Variants in DLGAP2 observed in about 807,000 individuals in gnomAD.
The protein encoded by DLGAP2 is DLG associated protein 2, also known as disks large-associated protein 2.
DLGAP2 carries 26 observed loss-of-function variants against 100.3 expected under a neutral mutation model. That is an observed-to-expected ratio of 0.26 (90% CI 0.19 to 0.36). The LOEUF (loss-of-function observed/expected upper bound fraction) is 0.36. Among genes scored for constraint, DLGAP2 ranks in the 10% least tolerant of loss-of-function variants. DLGAP2 has a pLI of 1.00. For synonymous variants in DLGAP2, 886 were observed against 630.1 expected (o/e 1.41, Z -6.08); for missense variants, 1,858 against 1,453.2 (o/e 1.28, Z -4.53).
chr8:1,633,177 T>C (rs1035575324), intron 8 of DLGAP2, 131 bp downstream of exon 8: 20 of 812,890 alleles, frequency 2.5e-5, no homozygotes, highest in Middle Eastern at 5.1e-4. Context: ...CGTTTCCTAA[T>C]TGCATGTGTT....
chr8:1,609,482 C>G (rs1441392031), intron 6 of DLGAP2, among the ~76,000 whole-genome samples: 1 of 137,178 alleles, frequency 7.3e-6, no homozygotes, highest in African/African-American at 2.5e-5. Flanking sequence ...ACTGCATCAA[C>G]TAACGAGCAA....
intron 4 of DLGAP2, among the ~76,000 whole-genome samples, chr8:1,520,416 C>T (rs1436459579): frequency 6.6e-6 from 1 of 152,184 alleles, no homozygotes; most frequent in Non-Finnish European, 1.5e-5. Flanking sequence ...ATTGATGAGC[C>T]AGGATTGATG....
At chr8:1,100,396 G>A (rs1386855567) in intron 2 of DLGAP2, among the ~76,000 whole-genome samples, 1 of 152,148 alleles carries the variant, frequency 6.6e-6, no homozygotes, top group Non-Finnish European at 1.5e-5. Flanking sequence ...TGTGTGTAGG[G>A]AAAACCTTTG....
At chr8:1,627,081 G>A (rs1210483393) in intron 7 of DLGAP2, among the ~76,000 whole-genome samples, 194 bp downstream of exon 7, 3 of 152,230 alleles carry the variant, frequency 2.0e-5, no homozygotes, top group African/African-American at 4.8e-5. Context: ...TATTTTTGAC[G>A]TGTATAACTC....
At chr8:795,039 T>G (rs915300108) in intron 1 of DLGAP2, among the ~76,000 whole-genome samples, 1 of 152,182 alleles carries the variant, frequency 6.6e-6, no homozygotes, top group Admixed American at 6.5e-5. Flanking sequence ...AAGTTAATAT[T>G]GCCAGTGACT....
intron 2 of DLGAP2, among the ~76,000 whole-genome samples, chr8:1,144,990 C>T (rs1028551940): frequency 7.9e-5 from 12 of 152,324 alleles, no homozygotes; most frequent in African/African-American, 2.9e-4. Context: ...AGACAAACCA[C>T]AAATGGCCTG....
chr8:1,214,435 C>T (rs1184910232), intron 2 of DLGAP2, among the ~76,000 whole-genome samples: 2 of 152,194 alleles, frequency 1.3e-5, no homozygotes, highest in Admixed American at 1.3e-4. Context: ...GCAAGCAGGG[C>T]TGTTTGGTGG....
chr8:1,456,335 C>T lies in DLGAP2; in HGVS notation c.107-45031C>T, dbSNP rs114970762. On this transcript the variant is annotated intron_variant, in intron 3 of 14. Coordinates refer to ENST00000637795, the MANE Select transcript of DLGAP2 (RefSeq NM_001346810.2). ...GCTGCCACCCTGTACGTATTCATCA[C>T]GCCCTTTAAATATGACCGAAATTCT... Among the ~76,000 whole-genome samples, 171 of 152,342 alleles carry T rather than the reference C, an allele frequency of 1.1e-3. 1 individual carries two copies. The highest frequency in any genetic ancestry group is 3.8e-3 in the African/African-American group (160 of 41,570).
At chr8:1,067,642 TGTGTGA>T (rs1803298922) in intron 2 of DLGAP2, among the ~76,000 whole-genome samples, 1 of 142,902 alleles carries the variant, frequency 7.0e-6, no homozygotes, top group Admixed American at 7.1e-5. Context: ...TGTGTGTGTG[TGTGTGA>T]CTTAATATTT....
intron 2 of DLGAP2, among the ~76,000 whole-genome samples, chr8:1,094,330 C>T (rs1247125532): frequency 6.6e-6 from 1 of 152,186 alleles, no homozygotes; most frequent in Non-Finnish European, 1.5e-5. Context: ...GATTTCTTTC[C>T]AATCCACTAA....
intron 1 of DLGAP2, chr8:738,929 G>T (rs1381678695): frequency 6.5e-6 from 1 of 153,290 alleles, no homozygotes; most frequent in African/African-American, 2.4e-5. Flanking sequence ...ATGCGCGTCG[G>T]AAACTCGCGG....
chr8:1,548,860 C>T lies in DLGAP2; in HGVS notation c.407C>T (p.Ser136Leu), dbSNP rs776439807. The change falls in exon 5 of 15, where the codon TCG (serine) becomes TTG (leucine). Residue 136 changes from serine to leucine, a missense_variant. By Grantham distance (145) the Ser-to-Leu change is moderately radical. Coordinates refer to ENST00000637795, the MANE Select transcript of DLGAP2 (RefSeq NM_001346810.2). ...TGCCCCGGGGGGCGCCACCGCTGCT[C>T]GCCGCGCAGCTCGGTGCACTCGGAG... ...DSCPGGRHRC[S>L]PRSSVHSECV... 13 of 1,585,764 alleles carry T rather than the reference C, an allele frequency of 8.2e-6. No individual in the cohort carries two copies. The highest frequency in any genetic ancestry group is 1.1e-5 in the South Asian group (1 of 89,480).
At chr8:752,707 G>T (rs1820822486) in intron 1 of DLGAP2, among the ~76,000 whole-genome samples, 1 of 152,200 alleles carries the variant, frequency 6.6e-6, no homozygotes, top group Non-Finnish European at 1.5e-5. Context: ...AGGCACTGGA[G>T]AGAGGCAGCC....
At chr8:1,188,169 G>A (rs1327405170) in intron 2 of DLGAP2, among the ~76,000 whole-genome samples, 1 of 125,920 alleles carries the variant, frequency 7.9e-6, no homozygotes, top group South Asian at 2.5e-4. Flanking sequence ...TTTCCCTCAC[G>A]GAATCTCACA....
chr8:820,611 CAGAGGCAAAAGCAAGA>C (rs1253667325), intron 1 of DLGAP2, among the ~76,000 whole-genome samples: 1 of 152,086 alleles, frequency 6.6e-6, no homozygotes, highest in Non-Finnish European at 1.5e-5. Flanking sequence ...TTTTTTCCAC[CAGAGGCAAAAGCAAGA>C]AGATTGTTGA....
chr8:1,455,614 G>T (rs1798290232), intron 3 of DLGAP2, among the ~76,000 whole-genome samples: 1 of 152,204 alleles, frequency 6.6e-6, no homozygotes, highest in African/African-American at 2.4e-5. Flanking sequence ...CCTCATCTTT[G>T]AGCTTGTCCT....
chr8:1,085,634 T>G (rs1803950885), intron 2 of DLGAP2, among the ~76,000 whole-genome samples: 1 of 152,364 alleles, frequency 6.6e-6, no homozygotes, highest in East Asian at 1.9e-4. Context: ...GATGTGCATA[T>G]TTTTATGCCT....
At chr8:1,468,238 T>G (rs1004189754) in intron 3 of DLGAP2, among the ~76,000 whole-genome samples, 1 of 151,954 alleles carries the variant, frequency 6.6e-6, no homozygotes, top group Non-Finnish European at 1.5e-5. Flanking sequence ...CTCGGTCGGT[T>G]CTGAGAATTG....
At chr8:962,356 G>A (rs894820082) in intron 2 of DLGAP2, among the ~76,000 whole-genome samples, 2 of 152,140 alleles carry the variant, frequency 1.3e-5, no homozygotes, top group Admixed American at 6.5e-5. Context: ...AGTGCCATCC[G>A]GTCTCCATAA....
Sources: allele counts gnomAD v4.1 joint callset (sites outside exome capture counted in the v4.1 genomes callset), GRCh38; gene constraint gnomAD v4.1.1; transcripts MANE v1.5; gene names NCBI Gene and HGNC (gene_info 2026-07-23, HGNC 2026-07-21).